ADK: variants seen among roughly 807,000 people sequenced by gnomAD.
ADK encodes the protein N6,N6-dimethyladenosine kinase.
A neutral mutation model predicts 44.7 loss-of-function variants in ADK; 24 were observed. The observed-to-expected ratio is 0.54, with a 90% CI of 0.39 to 0.76. The LOEUF (loss-of-function observed/expected upper bound fraction) is 0.76, where lower values mean the gene tolerates loss of function less well. ADK is among the 30% of genes least tolerant of loss of function. The pLI is 0.00. For missense variants in ADK, 321 were observed against 425.1 expected, an observed-to-expected ratio of 0.76 and a Z score of 2.15; for synonymous variants, 128 against 142.6, an observed-to-expected ratio of 0.90 and a Z score of 0.73.
In ADK at chr10:74,512,019, A is replaced by T. The variant is rs113088263; in HGVS notation, c.556-13237A>T. On this transcript the variant is annotated intron_variant, in intron 6 of 10. Coordinates refer to ENST00000539909, the MANE Select transcript of ADK (RefSeq NM_006721.4). ...TAAGAGTTTTTATGAAGGAATATTA[A>T]ATTTTATCAAAAGCATTTTCTGCTT... Among the ~76,000 whole-genome samples the T allele has an allele frequency of 3.9e-5, 6 of 152,222 alleles. 1 individual carries two copies. The highest frequency in any genetic ancestry group is 9.6e-5 in the African/African-American group (4 of 41,550).
chr10:74,630,957 T>C (rs1288684611), intron 9 of ADK, among the ~76,000 whole-genome samples: 1 of 152,108 alleles, frequency 6.6e-6, no homozygotes, highest in African/African-American at 2.4e-5. Flanking sequence ...ATTCTATTAT[T>C]TAAAATATAT....
chr10:74,408,965 T>G (rs1407818873), intron 6 of ADK, among the ~76,000 whole-genome samples: 1 of 152,216 alleles, frequency 6.6e-6, no homozygotes, highest in Non-Finnish European at 1.5e-5. Flanking sequence ...GTTGTAATCT[T>G]AAATTCATCT....
chr10:74,171,804 G>GTC (rs531929633), intron 1 of ADK, among the ~76,000 whole-genome samples: 5,062 of 147,966 alleles, frequency 0.034, 95 homozygotes, highest in African/African-American at 0.04. Context: ...GTCTCTCTCT[G>GTC]TCTCTCTGTG....
intron 4 of ADK, among the ~76,000 whole-genome samples, chr10:74,349,396 C>CA (rs1300710281): frequency 1.3e-5 from 2 of 152,164 alleles, no homozygotes; most frequent in African/African-American, 2.4e-5. Flanking sequence ...GCCTGCCTTA[C>CA]AAGAGCTCCT....
intron 1 of ADK, among the ~76,000 whole-genome samples, chr10:74,164,692 TTCTTA>T (rs1841990329): frequency 6.6e-6 from 1 of 152,170 alleles, no homozygotes; most frequent in African/African-American, 2.4e-5. Flanking sequence ...TACTCGTAGA[TTCTTA>T]TCTTTGCCTA....
chr10:74,219,840 T>A (rs1162494718), intron 2 of ADK, among the ~76,000 whole-genome samples: 1 of 151,444 alleles, frequency 6.6e-6, no homozygotes, highest in Non-Finnish European at 1.5e-5. Context: ...AGACACAACA[T>A]ACCAGAATCT....
chr10:74,409,953 A>C (rs934698018), intron 6 of ADK, among the ~76,000 whole-genome samples: 9 of 152,162 alleles, frequency 5.9e-5, no homozygotes, highest in African/African-American at 2.2e-4. Context: ...TTTCATTTAT[A>C]CTCAGTTACA....
intron 2 of ADK, among the ~76,000 whole-genome samples, chr10:74,205,549 G>A (rs1042245431): frequency 6.6e-6 from 1 of 151,786 alleles, no homozygotes; most frequent in African/African-American, 2.4e-5. Flanking sequence ...GGTGGTGTGT[G>A]CCTGTAATCC....
chr10:74,412,181 G>A (rs1036374531), intron 6 of ADK, among the ~76,000 whole-genome samples: 4 of 152,000 alleles, frequency 2.6e-5, no homozygotes, highest in African/African-American at 7.3e-5. Flanking sequence ...CACATGAATC[G>A]TGAATGTTCT....
chr10:74,547,448 T>A (rs1435856273), intron 7 of ADK, among the ~76,000 whole-genome samples: 626 of 17,904 alleles, frequency 0.035, 4 homozygotes, highest in Middle Eastern at 0.083. Flanking sequence ...ATATATATAT[T>A]TATTTATTTA....
intron 7 of ADK, among the ~76,000 whole-genome samples, chr10:74,529,812 C>A (rs1849211421): frequency 6.6e-6 from 1 of 152,092 alleles, no homozygotes; most frequent in Non-Finnish European, 1.5e-5. Flanking sequence ...GAACATCTGT[C>A]ATTACGTGGA....
At chr10:74,173,765 G>A (rs917611947) in intron 1 of ADK, among the ~76,000 whole-genome samples, 34 of 152,252 alleles carry the variant, frequency 2.2e-4, no homozygotes, top group Middle Eastern at 3.4e-3. Flanking sequence ...ATCAAAGGTA[G>A]GTGTTACCAA....
intron 8 of ADK, among the ~76,000 whole-genome samples, chr10:74,598,701 G>A (rs1340590643): frequency 1.3e-5 from 2 of 151,760 alleles, no homozygotes; most frequent in African/African-American, 2.4e-5. Flanking sequence ...TGCCCTCCTC[G>A]GCCTCCCAAA....
In ADK at chr10:74,603,408, G is replaced by A. The variant is rs182368688; in HGVS notation, c.877+2915G>A. Among the ~76,000 whole-genome samples the A allele has an allele frequency of 3.6e-3, 549 of 151,988 alleles. 5 individuals are homozygous for A. The highest frequency in any genetic ancestry group is 7.0e-3 in the Admixed American group (107 of 15,270). On this transcript the variant is annotated intron_variant, in intron 9 of 10. Coordinates refer to ENST00000539909, the MANE Select transcript of ADK (RefSeq NM_006721.4). ...TTCTCCTAATGCTATCCCTCCCTGA[G>A]CTCCCCCACCCCCCGACAGGCCCTG...
At chr10:74,282,398 G>A (rs1343782536) in intron 3 of ADK, among the ~76,000 whole-genome samples, 1 of 152,178 alleles carries the variant, frequency 6.6e-6, no homozygotes, top group Non-Finnish European at 1.5e-5. Flanking sequence ...TGTGAAAGGG[G>A]TTTAAGCATA....
chr10:74,658,587 C>A (rs1854579229), intron 9 of ADK, among the ~76,000 whole-genome samples: 1 of 151,918 alleles, frequency 6.6e-6, no homozygotes, highest in Admixed American at 6.6e-5. Context: ...AGGCACGCAC[C>A]CCCATGCCCG....
At chr10:74,195,707 C>CTTTTTT (rs71475265) in intron 1 of ADK, among the ~76,000 whole-genome samples, 331 of 97,468 alleles carry the variant, frequency 3.4e-3, no homozygotes, top group Non-Finnish European at 5.2e-3. Context: ...TCTTTTCTTT[C>CTTTTTT]TTTTTTTTTT....
intron 4 of ADK, among the ~76,000 whole-genome samples, chr10:74,336,159 A>G (rs1460414322): frequency 1.3e-5 from 2 of 151,794 alleles, no homozygotes; most frequent in African/African-American, 2.4e-5. Context: ...TAGATCTGTG[A>G]TCCATTTTGA....
intron 6 of ADK, among the ~76,000 whole-genome samples, chr10:74,485,777 TAAAATG>T (rs1847245882): frequency 6.6e-6 from 1 of 152,172 alleles, no homozygotes; most frequent in Non-Finnish European, 1.5e-5. Flanking sequence ...TGTGAGAACT[TAAAATG>T]TAAATGGAGG....
Sources: allele counts gnomAD v4.1 joint callset (sites outside exome capture counted in the v4.1 genomes callset), GRCh38; gene constraint gnomAD v4.1.1; transcripts MANE v1.5; gene names NCBI Gene and HGNC (gene_info 2026-07-23, HGNC 2026-07-21).